CSRNP3: variants seen among roughly 807,000 people sequenced by gnomAD.
The protein encoded by CSRNP3 is cysteine/serine-rich nuclear protein 3.
CSRNP3 carries 12 observed loss-of-function variants against 48.0 expected under a neutral mutation model. The observed-to-expected ratio is 0.25, with a 90% CI of 0.16 to 0.41. The LOEUF is 0.41. CSRNP3 is among the 10% of genes least tolerant of loss of function. The pLI, the probability that CSRNP3 is intolerant of heterozygous loss-of-function variation, is 1.00. For missense variants in CSRNP3, 580 were observed against 724.4 expected, an observed-to-expected ratio of 0.80 and a Z score of 2.29; for synonymous variants, 263 against 269.7, an observed-to-expected ratio of 0.98 and a Z score of 0.24.
intron 3 of CSRNP3, among the ~76,000 whole-genome samples, chr2:165,519,087 T>G (rs892898915): frequency 6.6e-6 from 1 of 152,110 alleles, no homozygotes; most frequent in African/African-American, 2.4e-5. Flanking sequence ...TATACCAATG[T>G]GAATGTCGTT....
intron 5 of CSRNP3, among the ~76,000 whole-genome samples, chr2:165,659,979 G>T (rs544543244): frequency 6.6e-6 from 1 of 152,126 alleles, no homozygotes; most frequent in Non-Finnish European, 1.5e-5. Flanking sequence ...AGTATTTTTG[G>T]CAGGTTTCAC....
intron 4 of CSRNP3, among the ~76,000 whole-genome samples, chr2:165,652,670 C>G (rs1257599420): frequency 6.6e-6 from 1 of 151,828 alleles, no homozygotes; most frequent in Non-Finnish European, 1.5e-5. Flanking sequence ...AGCCTCCCAA[C>G]TAGCTGGGGC....
At chr2:165,642,091 TACACACACACAAACAC>T (rs948865967) in intron 4 of CSRNP3, among the ~76,000 whole-genome samples, 5 of 131,296 alleles carry the variant, frequency 3.8e-5, no homozygotes, top group African/African-American at 1.6e-4. Flanking sequence ...TACCTGAGAA[TACACACACACAAACAC>T]ACACACACAC....
At chr2:165,528,228 A>G (rs1200818857) in intron 3 of CSRNP3, among the ~76,000 whole-genome samples, 2 of 152,134 alleles carry the variant, frequency 1.3e-5, no homozygotes, top group East Asian at 1.9e-4. Context: ...TTAACTCCCT[A>G]TCAGATGTTT....
rs1687561728 is a variant in CSRNP3 at position 165,682,358 on chromosome 2, A to G, written c.*2605A>G. 6.6e-6 allele frequency: 1 copy of G among 152,086 alleles called. No homozygotes were observed. Among genetic ancestry groups the G allele is most frequent in the Non-Finnish European group, 1.5e-5 (1 of 68,010 alleles). The allele number at this position is 152,086 out of a possible 1,614,324, so 9.4% of individuals were successfully genotyped here. On this transcript the variant is annotated 3_prime_UTR_variant, in exon 7 of 7. Coordinates refer to ENST00000651982, the MANE Select transcript of CSRNP3 (RefSeq NM_001172173.2). The stretch of plus-strand genomic sequence containing the variant: ...GACAGCTTCTATTCCAACTTTTCAT[A>G]TACCTGACTAACCTGTAAACATATC...
intron 2 of CSRNP3, among the ~76,000 whole-genome samples, chr2:165,510,503 A>G (rs1457593011): frequency 1.3e-5 from 2 of 151,776 alleles, no homozygotes; most frequent in Non-Finnish European, 2.9e-5. Context: ...GGTCTATCCT[A>G]TTTTTCTTCT....
In CSRNP3 at chr2:165,681,908, A is replaced by G. The variant is rs1426302289; in HGVS notation, c.*2155A>G. 9.3e-5 allele frequency: 14 copies of G among 150,914 alleles called. No individual in the cohort carries two copies. Among genetic ancestry groups the G allele is most frequent in the Non-Finnish European group, 8.8e-5 (6 of 67,810 alleles). 9.3% of individuals were successfully genotyped at this position (150,914 alleles called of 1,614,324 possible). A position where few individuals can be genotyped will look rare whatever the true frequency, so the allele number is the denominator to read the frequency against. On this transcript the variant is annotated 3_prime_UTR_variant, in exon 7 of 7. Transcript: ENST00000651982. ...TCCAAAATTTTCCCCCTACTGATAC[A>G]ATCTAAAGAGCACAGGCCCAAAGAG...
intron 1 of CSRNP3, among the ~76,000 whole-genome samples, chr2:165,482,792 C>T (rs746246109): frequency 3.9e-5 from 6 of 152,072 alleles, no homozygotes; most frequent in Non-Finnish European, 7.3e-5. Flanking sequence ...TCCCTCCAGC[C>T]TCTCAGAATT....
chr2:165,581,369 A>G (rs1277072748), intron 3 of CSRNP3, among the ~76,000 whole-genome samples: 1 of 152,190 alleles, frequency 6.6e-6, no homozygotes, highest in African/African-American at 2.4e-5. Context: ...TCTCTTTGTC[A>G]GCAGGACATA....
intron 3 of CSRNP3, among the ~76,000 whole-genome samples, chr2:165,570,070 GA>G (rs1330888448): frequency 6.6e-6 from 1 of 151,922 alleles, no homozygotes; most frequent in African/African-American, 2.4e-5. Context: ...TTAAAGAACT[GA>G]AGTACAAATT....
At chr2:165,662,031 C>T (rs1314245432) in intron 5 of CSRNP3, among the ~76,000 whole-genome samples, 1 of 151,956 alleles carries the variant, frequency 6.6e-6, no homozygotes. Flanking sequence ...TATAATGGCA[C>T]CTCTCATAAT....
chr2:165,679,509 C>T lies in CSRNP3; in HGVS notation c.1514C>T (p.Ser505Phe), dbSNP rs1469987109. The change falls in exon 7 of 7, where the codon TCC becomes TTC. Residue 505 changes from serine to phenylalanine, a missense_variant. Transcript: ENST00000651982. Reference sequence around the variant, plus strand: ...AACCCCTCTGTAATCGTTTGCTGCTCCTCTTCCGAAAATGATAGCGGTGTG... The same window carrying T: ...AACCCCTCTGTAATCGTTTGCTGCTTCTCTTCCGAAAATGATAGCGGTGTG... ...AANPSVIVCC[S>F]SSENDSGVPC... 3.7e-6 allele frequency: 6 copies of T among 1,613,666 alleles called. No individual in the cohort carries two copies. The highest frequency in any genetic ancestry group is 5.1e-6 in the Non-Finnish European group (6 of 1,179,956).
Position 165,681,310 on chromosome 2 carries a change from C to A in CSRNP3, c.*1557C>A, listed in dbSNP as rs570233105. The A allele has an allele frequency of 2.0e-5, 3 of 151,982 alleles. No homozygotes were observed. Among genetic ancestry groups the A allele is most frequent in the South Asian group, 2.1e-4 (1 of 4,816 alleles). 9.4% of individuals were successfully genotyped at this position (151,982 alleles called of 1,614,324 possible). A position where few individuals can be genotyped will look rare whatever the true frequency, so the allele number is the denominator to read the frequency against. On this transcript the variant is annotated 3_prime_UTR_variant, in exon 7 of 7. Transcript: ENST00000651982. ...ACATGTTTTATAACTATTTGAAATG[C>A]GGACATGACTTGCTATTCAGTGACT... is the stretch of plus-strand genomic sequence containing the variant.
Position 165,626,302 on chromosome 2 carries a change from T to G in CSRNP3, c.148+31089T>G, listed in dbSNP as rs73972114. ...AAGGCTTTGCCAGTAAGGTGAAACT[T>G]AAGCAGAGACTCAAATGAAGTAAGG... On this transcript the variant is annotated intron_variant, in intron 4 of 6. Transcript: ENST00000651982. Among the ~76,000 whole-genome samples, 326 of 151,620 alleles carry G rather than the reference T, an allele frequency of 2.2e-3. 1 individual carries two copies. The highest frequency in any genetic ancestry group is 7.5e-3 in the African/African-American group (311 of 41,384).
chr2:165,676,698 C>T, intron 6 of CSRNP3, 90 bp downstream of exon 6: 2 of 1,237,896 alleles, frequency 1.6e-6, no homozygotes, highest in Admixed American at 2.4e-5. Context: ...TGAAGCTTCC[C>T]ACATGTAAAA....
chr2:165,684,759 A>G lies in CSRNP3; in HGVS notation c.*5006A>G, dbSNP rs559241298. On this transcript the variant is annotated 3_prime_UTR_variant, in exon 7 of 7. Transcript: ENST00000651982. ...TTAATTGAATATCAGCAATTTTAAT[A>G]CCCACTAGAATTATGGAAGTATCAG... 1 of 152,172 alleles carries G rather than the reference A, an allele frequency of 6.6e-6. No homozygotes were observed. The highest frequency in any genetic ancestry group is 1.9e-4 in the East Asian group (1 of 5,184). The allele number at this position is 152,172 out of a possible 1,614,324, so 9.4% of individuals were successfully genotyped here.
chr2:165,593,564 C>T (rs979873307), intron 3 of CSRNP3, among the ~76,000 whole-genome samples: 1 of 152,142 alleles, frequency 6.6e-6, no homozygotes, highest in African/African-American at 2.4e-5. Flanking sequence ...GTTGGCCCAG[C>T]TCGGGGAATC....
chr2:165,599,909 C>A (rs1281381037), intron 4 of CSRNP3, among the ~76,000 whole-genome samples: 1 of 147,100 alleles, frequency 6.8e-6, no homozygotes, highest in Non-Finnish European at 1.5e-5. Context: ...CATTAACAAA[C>A]AATTTAATTT....
intron 5 of CSRNP3, among the ~76,000 whole-genome samples, chr2:165,673,128 G>A (rs938427007): frequency 7.1e-5 from 4 of 56,396 alleles, no homozygotes; most frequent in Non-Finnish European, 1.6e-4. Context: ...ACAGTATGTA[G>A]CTCTTTTTTT....
Sources: gnomAD v4.1 joint callset for allele counts (sites outside exome capture counted in the v4.1 genomes callset) on GRCh38, gnomAD v4.1.1 for gene constraint, MANE v1.5 for transcripts, NCBI Gene and HGNC (gene_info 2026-07-23, HGNC 2026-07-21) for gene names.